DCDC2: variants seen among roughly 807,000 people sequenced by gnomAD.
DCDC2 encodes the protein doublecortin domain containing 2, also known as doublecortin domain-containing protein 2.
A neutral mutation model predicts 50.2 loss-of-function variants in DCDC2; 40 were observed. The ratio of observed to expected loss-of-function variants is 0.80; its 90% CI spans 0.62 to 1.04. The LOEUF (loss-of-function observed/expected upper bound fraction) is 1.04. Ranked by LOEUF, DCDC2 falls within the 50% of genes least tolerant of loss-of-function variation. DCDC2 has a pLI of 0.00. For synonymous variants in DCDC2, 234 were observed against 210.6 expected (o/e 1.11, Z -0.96); for missense variants, 570 against 581.9 (o/e 0.98, Z 0.21).
intron 8 of DCDC2, among the ~76,000 whole-genome samples, chr6:24,188,564 T>G (rs974073540): frequency 1.3e-5 from 2 of 152,184 alleles, no homozygotes; most frequent in Non-Finnish European, 2.9e-5. Flanking sequence ...TTTTTATATT[T>G]TATGCTCAAA....
chr6:24,303,361 C>T (rs1362977607), intron 2 of DCDC2, among the ~76,000 whole-genome samples: 1 of 152,130 alleles, frequency 6.6e-6, no homozygotes, highest in Non-Finnish European at 1.5e-5. Flanking sequence ...TCCACACAGA[C>T]TCCTCGTCAC....
At chr6:24,346,267 G>T (rs1760252920) in intron 2 of DCDC2, among the ~76,000 whole-genome samples, 1 of 152,160 alleles carries the variant, frequency 6.6e-6, no homozygotes, top group Non-Finnish European at 1.5e-5. Flanking sequence ...GTGGAGTAGG[G>T]GTAGTACAGA....
At chr6:24,215,073 G>C (rs547294582) in intron 7 of DCDC2, among the ~76,000 whole-genome samples, 1 of 152,170 alleles carries the variant, frequency 6.6e-6, no homozygotes, top group Non-Finnish European at 1.5e-5. Flanking sequence ...TAGCATGCAA[G>C]TCTATGTAAG....
intron 7 of DCDC2, among the ~76,000 whole-genome samples, chr6:24,236,329 G>C (rs1762439858): frequency 6.6e-6 from 1 of 152,050 alleles, no homozygotes; most frequent in Admixed American, 6.6e-5. Flanking sequence ...TAAGCAATGG[G>C]GAAAGAACTC....
intron 4 of DCDC2, among the ~76,000 whole-genome samples, chr6:24,297,738 A>G (rs1385194330): frequency 6.6e-6 from 1 of 152,164 alleles, no homozygotes; most frequent in Non-Finnish European, 1.5e-5. Flanking sequence ...ATCTGCCTTT[A>G]CTTATGACAC....
chr6:24,320,077 AC>A (rs1362815476), intron 2 of DCDC2, among the ~76,000 whole-genome samples: 1 of 152,234 alleles, frequency 6.6e-6, no homozygotes, highest in Non-Finnish European at 1.5e-5. Flanking sequence ...AAAGCTGTAC[AC>A]AAATACTGTA....
At chr6:24,244,959 C>T (rs1456506525) in intron 7 of DCDC2, among the ~76,000 whole-genome samples, 1 of 152,106 alleles carries the variant, frequency 6.6e-6, no homozygotes, top group Non-Finnish European at 1.5e-5. Flanking sequence ...CATTGGGAGG[C>T]CGAGGTGGGC....
Position 24,311,127 on chromosome 6 carries a change from G to A in DCDC2, c.349-9083C>T, listed in dbSNP as rs550698354. Among the ~76,000 whole-genome samples the A allele has an allele frequency of 7.9e-5, 12 of 152,228 alleles. No homozygotes were observed. In the East Asian group the frequency reaches 1.5e-3, roughly 20 times the overall value. On this transcript the variant is annotated intron_variant, in intron 2 of 9. Coordinates refer to ENST00000378454, the MANE Select transcript of DCDC2 (RefSeq NM_016356.5). ...GCCACTGGCTTCAGATGATGTCCTC[G>A]TGTCTTGGACTGGACTTGATTATTT...
chr6:24,251,197 C>A (rs535733953), intron 7 of DCDC2, among the ~76,000 whole-genome samples: 39 of 152,270 alleles, frequency 2.6e-4, no homozygotes, highest in African/African-American at 9.4e-4. Context: ...TGTTTCCTAG[C>A]AAATCGCCTT....
intron 2 of DCDC2, among the ~76,000 whole-genome samples, chr6:24,351,932 C>T (rs756839817): frequency 1.3e-5 from 2 of 152,070 alleles, no homozygotes; most frequent in African/African-American, 4.8e-5. Flanking sequence ...GCTGAAACCC[C>T]GTCTCTACGA....
chr6:24,284,046 T>C (rs888961673), intron 6 of DCDC2, among the ~76,000 whole-genome samples: 2 of 152,214 alleles, frequency 1.3e-5, no homozygotes, highest in African/African-American at 4.8e-5. Context: ...GAATGTAACC[T>C]CCGTGCATTT....
intron 7 of DCDC2, among the ~76,000 whole-genome samples, chr6:24,247,602 A>G (rs997766254): frequency 1.3e-5 from 2 of 152,244 alleles, no homozygotes; most frequent in Non-Finnish European, 2.9e-5. Flanking sequence ...AACACCATTC[A>G]GTCACTCACA....
intron 8 of DCDC2, among the ~76,000 whole-genome samples, chr6:24,194,883 G>T (rs866396303): frequency 1.3e-5 from 2 of 152,230 alleles, no homozygotes; most frequent in Middle Eastern, 3.4e-3. Context: ...CTCCCTAAAT[G>T]CATGCAAGAA....
At chr6:24,247,341 A>G (rs1252873244) in intron 7 of DCDC2, among the ~76,000 whole-genome samples, 3 of 151,732 alleles carry the variant, frequency 2.0e-5, no homozygotes, top group Admixed American at 6.6e-5. Context: ...ATTTTTATAT[A>G]TATATATAAA....
Position 24,268,530 on chromosome 6 carries a change from T to G in DCDC2, c.922+9519A>C, listed in dbSNP as rs185379125. 1.4e-4 allele frequency among the ~76,000 whole-genome samples: 22 copies of G among 152,160 alleles called. No individual in the cohort carries two copies. The East Asian group carries it at 4.3e-3, about 29-fold the overall frequency. On this transcript the variant is annotated intron_variant, in intron 7 of 9. Coordinates refer to ENST00000378454, the MANE Select transcript of DCDC2 (RefSeq NM_016356.5). ...TACAAAAAGTGCGTGAAACTACTGCTCAATGGAACCCAACTTAGGAAATGA... is the reference window on the plus strand; with the variant it reads ...TACAAAAAGTGCGTGAAACTACTGCGCAATGGAACCCAACTTAGGAAATGA...
At position 24,325,190 on chromosome 6, in the gene DCDC2, A is replaced by G. The variant is rs1759836309; in HGVS notation, c.349-23146T>C. ...TTCCATCTAGGAGTGAGAGAGCACG[A>G]TATCTACTTCCTCACACTTCTCCTC... On this transcript the variant is annotated intron_variant, in intron 2 of 9. Coordinates refer to ENST00000378454, the MANE Select transcript of DCDC2 (RefSeq NM_016356.5). Among the ~76,000 whole-genome samples, 2 of 131,294 alleles carry G rather than the reference A, an allele frequency of 1.5e-5. 1 individual carries two copies. Among genetic ancestry groups the G allele is most frequent in the Admixed American group, 1.5e-4 (2 of 13,278 alleles). The allele number at this position is 131,294 out of a possible 152,430, so 86.1% of individuals were successfully genotyped here. A position where few individuals can be genotyped will look rare whatever the true frequency, so the allele number is the denominator to read the frequency against.
At position 24,196,451 on chromosome 6, in the gene DCDC2, C is replaced by A. The variant is rs192311992; in HGVS notation, c.1023+8551G>T. On this transcript the variant is annotated intron_variant, in intron 8 of 9. Coordinates refer to ENST00000378454, the MANE Select transcript of DCDC2 (RefSeq NM_016356.5). ...CAGTTTCTTTTTTGAGACAGAGTCT[C>A]GCTGTGTCACCCACACTACAGTGAG... 2.0e-4 allele frequency among the ~76,000 whole-genome samples: 30 copies of A among 152,202 alleles called. No individual in the cohort carries two copies. The East Asian group carries it at 4.4e-3, about 23-fold the overall frequency.
chr6:24,333,618 T>A (rs1414016232), intron 2 of DCDC2, among the ~76,000 whole-genome samples: 3 of 152,188 alleles, frequency 2.0e-5, no homozygotes, highest in Non-Finnish European at 4.4e-5. Context: ...CCAAAAAACA[T>A]TGATGTAAAG....
At chr6:24,302,484 G>T (rs965762857) in intron 2 of DCDC2, among the ~76,000 whole-genome samples, 1 of 151,478 alleles carries the variant, frequency 6.6e-6, no homozygotes, top group South Asian at 2.1e-4. Flanking sequence ...CTGATCCTTG[G>T]CCCCCACCAA....
Sources: allele counts gnomAD v4.1 joint callset (sites outside exome capture counted in the v4.1 genomes callset), GRCh38; gene constraint gnomAD v4.1.1; transcripts MANE v1.5; gene names NCBI Gene and HGNC (gene_info 2026-07-23, HGNC 2026-07-21).